Variants in SULF1 observed in about 807,000 individuals in gnomAD.
The protein encoded by SULF1 is sulfatase 1, also known as extracellular sulfatase Sulf-1.
A neutral mutation model predicts 110.5 loss-of-function variants in SULF1; 46 were observed. The observed-to-expected ratio is 0.42, with a 90% confidence interval of 0.33 to 0.53. SULF1 has a LOEUF of 0.53. Among genes scored for constraint, SULF1 ranks in the 20% least tolerant of loss-of-function variants. The pLI, the probability that SULF1 is intolerant of heterozygous loss-of-function variation, is 0.12. For missense variants in SULF1, 941 were observed against 1,094.2 expected (o/e 0.86, Z 1.98); for synonymous variants, 371 against 387.1 (o/e 0.96, Z 0.49).
chr8:69,655,072 C>T (rs181075324), intron 22 of SULF1, among the ~76,000 whole-genome samples: 2 of 152,296 alleles, frequency 1.3e-5, no homozygotes, highest in East Asian at 3.9e-4. Context: ...AATGGGTCTA[C>T]AAAACCCAGC....
chr8:69,469,557 G>C (rs1279069812), intron 1 of SULF1, among the ~76,000 whole-genome samples: 3 of 152,088 alleles, frequency 2.0e-5, no homozygotes, highest in Non-Finnish European at 2.9e-5. Flanking sequence ...AAACTAGAAG[G>C]GTTCTACTCT....
intron 1 of SULF1, among the ~76,000 whole-genome samples, chr8:69,484,848 CTTCTTCTTCTTCTTT>C: frequency 6.6e-6 from 1 of 151,980 alleles, no homozygotes; most frequent in Non-Finnish European, 1.5e-5. Flanking sequence ...TCTTCTTCTT[CTTCTTCTTCTTCTTT>C]TCTTCCTCCT....
intron 13 of SULF1, among the ~76,000 whole-genome samples, chr8:69,617,712 G>A (rs761217663): frequency 4.6e-5 from 7 of 151,924 alleles, no homozygotes; most frequent in African/African-American, 1.2e-4. Context: ...TGAACAGGCC[G>A]CATGCAGTTT....
chr8:69,575,301 C>T (rs1028405918), intron 5 of SULF1, among the ~76,000 whole-genome samples: 7 of 151,520 alleles, frequency 4.6e-5, no homozygotes, highest in African/African-American at 1.7e-4. Flanking sequence ...CGAGTGCAAT[C>T]GAATTATAGC....
rs904514727 is a variant in SULF1, at chr8:69,492,924, A to C, written c.-592A>C. On this transcript the variant is annotated 5_prime_UTR_variant, in exon 1 of 23. Transcript: ENST00000402687. ...TCGGCAACTAGGAAACCCCAGGCGC[A>C]GAGGCCAGGAGCGAGGGCAGCGAGG... The C allele has an allele frequency of 6.5e-6, 1 of 152,678 alleles. No individual in the cohort carries two copies. Among genetic ancestry groups the C allele is most frequent in the African/African-American group, 2.4e-5 (1 of 41,466 alleles). 9.5% of individuals were successfully genotyped at this position (152,678 alleles called of 1,614,324 possible).
chr8:69,650,279 G>T (rs141990489), intron 22 of SULF1, among the ~76,000 whole-genome samples: 92 of 152,122 alleles, frequency 6.0e-4, no homozygotes, highest in African/African-American at 2.2e-3. Flanking sequence ...TGGGATTACA[G>T]TCATGAACCA....
At chr8:69,638,409 A>G (rs1811216867) in intron 19 of SULF1, 93 bp from the exon 20 acceptor site, 1 of 1,382,136 alleles carries the variant, frequency 7.2e-7, no homozygotes, top group Non-Finnish European at 9.8e-7. Flanking sequence ...TGTGAACTTT[A>G]AAGTGTAAAG....
At chr8:69,504,547 T>C (rs974076787) in intron 3 of SULF1, among the ~76,000 whole-genome samples, 1 of 152,162 alleles carries the variant, frequency 6.6e-6, no homozygotes, top group Non-Finnish European at 1.5e-5. Flanking sequence ...AGAGCAAGAC[T>C]CTGTCTCTGA....
chr8:69,562,910 T>C (rs1815604875), intron 3 of SULF1: 2 of 152,618 alleles, frequency 1.3e-5, no homozygotes, highest in African/African-American at 4.8e-5. Context: ...GCTGAGGACA[T>C]GAGTGGGACA....
Position 69,660,836 on chromosome 8 carries a change from G to A in SULF1, c.*2301G>A, listed in dbSNP as rs532646186. ...TTTTTAATCATGTATAATATTCCAT[G>A]ATACTTTTATAGAACAATTCTGGCT... On this transcript the variant is annotated 3_prime_UTR_variant, in exon 23 of 23. Transcript: ENST00000402687. 6.5e-6 allele frequency: 1 copy of A among 152,690 alleles called. No individual in the cohort carries two copies. The highest frequency in any genetic ancestry group is 2.1e-4 in the South Asian group (1 of 4,822). The allele number at this position is 152,690 out of a possible 1,614,324, so 9.5% of individuals were successfully genotyped here.
Position 69,603,263 on chromosome 8 carries a change from C to G in SULF1, c.1133C>G (p.Pro378Arg). 1 of 1,614,146 alleles carries G rather than the reference C, an allele frequency of 6.2e-7. No homozygotes were observed. The highest frequency in any genetic ancestry group is 8.5e-7 in the Non-Finnish European group (1 of 1,180,010). Residue 378 changes from proline to arginine, a missense_variant, in exon 11 of 23, where the codon CCT becomes CGT. Physicochemically the swap from Pro to Arg is moderately radical, Grantham distance 103. Transcript: ENST00000402687. ...GATATTGCTGGGCTCGACACACCTC[C>G]TGATGTGGACGGCAAGTCTGTCCTC... is the stretch of plus-strand genomic sequence containing the variant. ...ILDIAGLDTP[P>R]DVDGKSVLKL... is the part of the protein sequence containing the mutation.
At chr8:69,521,046 T>C (rs1263562638) in intron 3 of SULF1, among the ~76,000 whole-genome samples, 1 of 152,170 alleles carries the variant, frequency 6.6e-6, no homozygotes, top group Admixed American at 6.5e-5. Context: ...CTATTCTAAT[T>C]TGAAAACTAG....
chr8:69,563,896 G>T lies in SULF1; in HGVS notation c.-60-20G>T. Reference sequence around the variant, plus strand: ...ATTTCATTTTAGTCTCACCGTCTCCGTTTTTCTCTGACTGCCCAGAACTCC... The same window carrying T: ...ATTTCATTTTAGTCTCACCGTCTCCTTTTTTCTCTGACTGCCCAGAACTCC... On this transcript the variant is annotated intron_variant, in intron 4 of 22. Transcript: ENST00000402687. 1 of 1,479,740 alleles carries T rather than the reference G, an allele frequency of 6.8e-7. No individual in the cohort carries two copies. The highest frequency in any genetic ancestry group is 9.3e-7 in the Non-Finnish European group (1 of 1,071,676). 91.7% of individuals were successfully genotyped at this position (1,479,740 alleles called of 1,614,324 possible). A position where few individuals can be genotyped will look rare whatever the true frequency, so the allele number is the denominator to read the frequency against.
At chr8:69,608,595 G>T (rs893138949) in intron 13 of SULF1, among the ~76,000 whole-genome samples, 1 of 152,100 alleles carries the variant, frequency 6.6e-6, no homozygotes, top group African/African-American at 2.4e-5. Context: ...TGAGACCGGG[G>T]AATCACTTGA....
exon 1 of SULF1, chr8:69,466,932 A>C (rs1204052745): frequency 6.6e-6 from 1 of 152,206 alleles, no homozygotes; most frequent in Non-Finnish European, 1.5e-5. Flanking sequence ...AGACACAAGA[A>C]AAGCAGTTTT....
At position 69,627,365 on chromosome 8, in the gene SULF1, C is replaced by A. The variant is rs551861675; in HGVS notation, c.1947+59C>A. 3.1e-6 allele frequency: 4 copies of A among 1,284,360 alleles called. No individual in the cohort carries two copies. In the African/African-American group the frequency reaches 5.8e-5, roughly 19 times the overall value. 79.6% of individuals were successfully genotyped at this position (1,284,360 alleles called of 1,614,324 possible). On this transcript the variant is annotated intron_variant, in intron 16 of 22. Coordinates refer to ENST00000402687, the MANE Select transcript of SULF1 (RefSeq NM_001128205.2). ...CCAAACTCAAACTCGGCCTGCCAGCCCTGCTGTGTCTGGTGGGACATACCA... is the reference window on the plus strand; with the variant it reads ...CCAAACTCAAACTCGGCCTGCCAGCACTGCTGTGTCTGGTGGGACATACCA...
At chr8:69,638,975 A>G in intron 21 of SULF1, 117 bp downstream of exon 21, 2 of 1,060,956 alleles carry the variant, frequency 1.9e-6, no homozygotes, top group Non-Finnish European at 2.7e-6. Context: ...TACTTAGAGG[A>G]GACACTTTCC....
intron 5 of SULF1, among the ~76,000 whole-genome samples, chr8:69,567,126 A>G (rs1815941650): frequency 6.6e-6 from 1 of 152,134 alleles, no homozygotes; most frequent in Non-Finnish European, 1.5e-5. Flanking sequence ...GTTCTGGGAG[A>G]GAGGGAACAG....
intron 22 of SULF1, among the ~76,000 whole-genome samples, chr8:69,651,983 G>T (rs533321065): frequency 1.3e-5 from 2 of 152,126 alleles, no homozygotes; most frequent in South Asian, 2.1e-4. Flanking sequence ...GGGGCTCGAG[G>T]CAAGAATGTC....
Sources: gnomAD v4.1 joint callset for allele counts (sites outside exome capture counted in the v4.1 genomes callset) on GRCh38, gnomAD v4.1.1 for gene constraint, MANE v1.5 for transcripts, NCBI Gene and HGNC (gene_info 2026-07-23, HGNC 2026-07-21) for gene names.